RAD23B: variants seen among roughly 807,000 people sequenced by gnomAD.
RAD23B encodes lysine-specific demethylase RAD23B.
In RAD23B, 5 loss-of-function variants were observed where a neutral mutation model predicts 49.1. The ratio of observed to expected loss-of-function variants is 0.10; its 90% CI spans 0.05 to 0.21. The LOEUF is 0.21. Ranked by LOEUF, RAD23B falls within the 10% of genes least tolerant of loss-of-function variation. RAD23B has a pLI of 1.00. For missense variants in RAD23B, 356 were observed against 486.7 expected, an observed-to-expected ratio of 0.73 and a Z score of 2.53; for synonymous variants, 184 against 165.4, an observed-to-expected ratio of 1.11 and a Z score of -0.86.
At chr9:107,308,981 A>G (rs750024193) in intron 4 of RAD23B, among the ~76,000 whole-genome samples, 1 of 152,196 alleles carries the variant, frequency 6.6e-6, no homozygotes, top group African/African-American at 2.4e-5. Flanking sequence ...TCTTTTAAAA[A>G]TTGTCTGTTA....
At chr9:107,323,797 C>A in intron 7 of RAD23B, 93 bp from the exon 8 acceptor site, 1 of 1,157,208 alleles carries the variant, frequency 8.6e-7, no homozygotes, top group South Asian at 1.3e-5. Flanking sequence ...ATCATTTTTT[C>A]TTTGATAGTG....
At chr9:107,307,083 A>G (rs184943608) in intron 4 of RAD23B, among the ~76,000 whole-genome samples, 5 of 152,322 alleles carry the variant, frequency 3.3e-5, no homozygotes, top group African/African-American at 1.2e-4. Flanking sequence ...TCCCGTAGTT[A>G]TATAGCATTG....
intron 1 of RAD23B, among the ~76,000 whole-genome samples, chr9:107,287,161 A>T (rs1833287474): frequency 6.6e-6 from 1 of 152,180 alleles, no homozygotes; most frequent in Non-Finnish European, 1.5e-5. Flanking sequence ...TCAGTTTTAT[A>T]GTCAATTAGT....
rs11573712 is a variant in RAD23B, at chr9:107,323,555, T to G, written c.818-335T>G. ...GAACTTTTAAGCAACAGGAACAACT[T>G]TTAGTACTTTTTATTTTGATAGAAC... On this transcript the variant is annotated intron_variant, in intron 7 of 9. Coordinates refer to ENST00000358015, the MANE Select transcript of RAD23B (RefSeq NM_002874.5). Among the ~76,000 whole-genome samples, 253 of 152,290 alleles carry G rather than the reference T, an allele frequency of 1.7e-3. 4 individuals are homozygous for G. The South Asian group carries it at 0.027, about 16-fold the overall frequency.
At chr9:107,321,780 G>A (rs1344744904) in intron 6 of RAD23B, among the ~76,000 whole-genome samples, 1 of 152,104 alleles carries the variant, frequency 6.6e-6, no homozygotes, top group Non-Finnish European at 1.5e-5. Context: ...AGCAATGTGG[G>A]TTTTTCTATA....
Position 107,298,474 on chromosome 9 carries a change from A to ATTTTTTTTTTTT in RAD23B, c.67-1650_67-1639dup, listed in dbSNP as rs35923233. On this transcript the variant is annotated intron_variant, in intron 1 of 9. Transcript: ENST00000358015. ...AGGCATTTACCGCCATGCTTGGCTA[A>ATTTTTTTTTTTT]TTTTTTTTTTTTTTTTTTTTTTTTT... Among the ~76,000 whole-genome samples the ATTTTTTTTTTTT allele has an allele frequency of 1.1e-4, 6 of 53,124 alleles. 1 individual carries two copies. The highest frequency in any genetic ancestry group is 3.1e-4 in the African/African-American group (3 of 9,698). 34.9% of individuals were successfully genotyped at this position (53,124 alleles called of 152,430 possible).
intron 5 of RAD23B, among the ~76,000 whole-genome samples, chr9:107,316,206 T>C (rs956856858): frequency 6.6e-6 from 1 of 151,224 alleles, no homozygotes; most frequent in African/African-American, 2.4e-5. Flanking sequence ...AGAGGCGGGG[T>C]TTCACCATGT....
chr9:107,308,247 C>T (rs1221692702), intron 4 of RAD23B, among the ~76,000 whole-genome samples: 2 of 142,186 alleles, frequency 1.4e-5, no homozygotes, highest in Non-Finnish European at 3.0e-5. Flanking sequence ...GAGACAGAGT[C>T]TTGCTCTGCC....
intron 6 of RAD23B, among the ~76,000 whole-genome samples, chr9:107,319,684 C>G (rs756755523): frequency 1.3e-5 from 2 of 152,104 alleles, no homozygotes; most frequent in Admixed American, 6.5e-5. Context: ...GATGTTACTA[C>G]CTGGTTCCGT....
Position 107,296,691 on chromosome 9 carries a change from T to A in RAD23B, c.67-3450T>A, listed in dbSNP as rs543284701. On this transcript the variant is annotated intron_variant, in intron 1 of 9. Coordinates refer to ENST00000358015, the MANE Select transcript of RAD23B (RefSeq NM_002874.5). ...CTGGGATTACAGGCGTGCACCACCA[T>A]GCCCAGTTAATTTTTGTATTTTTAG... Among the ~76,000 whole-genome samples, 164 of 151,318 alleles carry A rather than the reference T, an allele frequency of 1.1e-3. 1 individual carries two copies. The highest frequency in any genetic ancestry group is 6.8e-3 in the Middle Eastern group (2 of 292).
At chr9:107,320,321 T>C (rs1373587669) in intron 6 of RAD23B, among the ~76,000 whole-genome samples, 2 of 152,256 alleles carry the variant, frequency 1.3e-5, no homozygotes, top group Non-Finnish European at 2.9e-5. Context: ...ACAGATTGTA[T>C]AAAAGTATTA....
chr9:107,284,937 T>C (rs1011245156), intron 1 of RAD23B: 2 of 1,301,370 alleles, frequency 1.5e-6, no homozygotes, highest in Non-Finnish European at 2.0e-6. Flanking sequence ...TGGTGGTCAG[T>C]AAATGGAATC....
At chr9:107,299,250 C>G (rs1243843350) in intron 1 of RAD23B, among the ~76,000 whole-genome samples, 1 of 152,142 alleles carries the variant, frequency 6.6e-6, no homozygotes, top group Non-Finnish European at 1.5e-5. Context: ...AGAGAACTGT[C>G]AACTTAGATA....
Position 107,329,704 on chromosome 9 carries a change from C to A in RAD23B, c.*48C>A. ...ACTTCACACCAGTGCATTACACTAACTTGTTCACTGGATTGTCTGGGATGA... is the reference window on the plus strand; with the variant it reads ...ACTTCACACCAGTGCATTACACTAAATTGTTCACTGGATTGTCTGGGATGA... On this transcript the variant is annotated 3_prime_UTR_variant, in exon 10 of 10. Transcript: ENST00000358015. The A allele has an allele frequency of 9.1e-7, 1 of 1,096,088 alleles. No individual in the cohort carries two copies. The highest frequency in any genetic ancestry group is 1.3e-5 in the South Asian group (1 of 79,914). The allele number at this position is 1,096,088 out of a possible 1,614,324, so 67.9% of individuals were successfully genotyped here. A position where few individuals can be genotyped will look rare whatever the true frequency, so the allele number is the denominator to read the frequency against.
chr9:107,319,981 C>T (rs1490479075), intron 6 of RAD23B, among the ~76,000 whole-genome samples: 3 of 152,184 alleles, frequency 2.0e-5, no homozygotes, highest in African/African-American at 7.2e-5. Flanking sequence ...CTGATTCTAA[C>T]CCTTTTGGGA....
At chr9:107,310,240 G>A (rs755368251) in intron 4 of RAD23B, among the ~76,000 whole-genome samples, 3 of 151,958 alleles carry the variant, frequency 2.0e-5, no homozygotes, top group Non-Finnish European at 2.9e-5. Context: ...AGATGGATAC[G>A]GATTTAATGT....
intron 1 of RAD23B, chr9:107,284,252 A>G (rs1833226358): frequency 3.1e-6 from 3 of 982,360 alleles, no homozygotes; most frequent in African/African-American, 1.8e-5. Context: ...TTATTTGCAA[A>G]TGAATCGTTC....
intron 1 of RAD23B, among the ~76,000 whole-genome samples, chr9:107,293,888 A>G (rs756524522): frequency 1.3e-4 from 20 of 152,190 alleles, no homozygotes; most frequent in East Asian, 3.8e-4. Flanking sequence ...GGCTCAGTCA[A>G]TCCTTTCACG....
chr9:107,311,363 T>C (rs1390941962), intron 4 of RAD23B, among the ~76,000 whole-genome samples: 1 of 152,198 alleles, frequency 6.6e-6, no homozygotes, highest in African/African-American at 2.4e-5. Context: ...ATGTAAATTA[T>C]TTCAGGTAAA....
Sources: allele counts gnomAD v4.1 joint callset (sites outside exome capture counted in the v4.1 genomes callset), GRCh38; gene constraint gnomAD v4.1.1; transcripts MANE v1.5; gene names NCBI Gene and HGNC (gene_info 2026-07-23, HGNC 2026-07-21).